TEX11: variants seen among roughly 807,000 people sequenced by gnomAD.
The protein encoded by TEX11 is testis-expressed protein 11.
In TEX11, 7 loss-of-function variants were observed where a neutral mutation model predicts 84.4. The ratio of observed to expected loss-of-function variants is 0.08; its 90% confidence interval spans 0.05 to 0.16. The LOEUF (loss-of-function observed/expected upper bound fraction) is 0.16. Among genes scored for constraint, TEX11 ranks in the 10% least tolerant of loss-of-function variants. TEX11 has a pLI of 1.00. For missense variants in TEX11, 551 were observed against 660.5 expected, an observed-to-expected ratio of 0.83 and a Z score of 1.82; for synonymous variants, 264 against 222.8, an observed-to-expected ratio of 1.18 and a Z score of -1.64.
At chrX:70,679,213 T>C (rs955203709) in intron 14 of TEX11, among the ~76,000 whole-genome samples, 3 of 112,525 alleles carry the variant, frequency 2.7e-5, no homozygotes, top group African/African-American at 6.5e-5. Flanking sequence ...GGTGCCGGGA[T>C]TGCAGACGGA....
At chrX:70,874,158 A>G (rs1208294677) in intron 3 of TEX11, among the ~76,000 whole-genome samples, 1 of 110,875 alleles carries the variant, frequency 9.0e-6, no homozygotes, top group African/African-American at 3.3e-5. Flanking sequence ...GGAAACTTCC[A>G]GAGGCCCTCA....
downstream of TEX11, among the ~76,000 whole-genome samples, chrX:70,528,369 G>A (rs1443165290): frequency 1.8e-5 from 2 of 111,502 alleles, no homozygotes; most frequent in Admixed American, 9.6e-5. Context: ...CTAGGCTGGC[G>A]TACAGTGGCT....
chrX:70,819,463 C>T (rs1036611404), intron 8 of TEX11, among the ~76,000 whole-genome samples: 4 of 111,071 alleles, frequency 3.6e-5, no homozygotes, highest in Non-Finnish European at 7.5e-5. Context: ...AAATGAAAAG[C>T]CCACAGCTAA....
chrX:70,902,007 C>T (rs2091806030), intron 2 of TEX11, among the ~76,000 whole-genome samples: 1 of 112,686 alleles, frequency 8.9e-6, no homozygotes, highest in South Asian at 3.7e-4. Context: ...CCTAGCACTT[C>T]GGGACACCGA....
chrX:70,747,768 AT>A (rs1245562782), intron 9 of TEX11, among the ~76,000 whole-genome samples: 4 of 111,166 alleles, frequency 3.6e-5, no homozygotes, highest in South Asian at 3.7e-4. Flanking sequence ...TTTTTTATAT[AT>A]TTTTTATTAT....
chrX:70,650,883 G>A (rs998098368), intron 17 of TEX11, among the ~76,000 whole-genome samples: 10 of 111,765 alleles, frequency 8.9e-5, no homozygotes, highest in Admixed American at 1.9e-4. Flanking sequence ...CAACATATAT[G>A]TGCCCATGCA....
rs186689663 is a variant in TEX11, at chrX:70,568,508, C to T, written c.2141-13708G>A. Among the ~76,000 whole-genome samples, 323 of 110,621 alleles carry T rather than the reference C, an allele frequency of 2.9e-3. 1 individual carries two copies. Among genetic ancestry groups the T allele is most frequent in the African/African-American group, 9.9e-3 (300 of 30,414 alleles). On this transcript the variant is annotated intron_variant, in intron 25 of 29. Transcript: ENST00000374333. ...GCAGTTTCTTCCTAGTCTCGATGGT[C>T]TTTACATTTTGGCATGATTTTGCCG... is the stretch of plus-strand genomic sequence containing the variant.
At chrX:70,723,467 T>C (rs1376435674) in intron 12 of TEX11, among the ~76,000 whole-genome samples, 1 of 111,814 alleles carries the variant, frequency 8.9e-6, no homozygotes, top group Non-Finnish European at 1.9e-5. Context: ...TTATGTACTA[T>C]ATAGTTACAA....
At chrX:70,783,352 C>G (rs779876922) in intron 9 of TEX11, among the ~76,000 whole-genome samples, 49 of 111,142 alleles carry the variant, frequency 4.4e-4, no homozygotes, top group Non-Finnish European at 8.5e-4. Context: ...GAAATTTATA[C>G]CACTAAACGC....
chrX:70,865,044 C>A (rs1291538091), intron 4 of TEX11, among the ~76,000 whole-genome samples: 1 of 111,147 alleles, frequency 9.0e-6, no homozygotes, highest in Admixed American at 9.7e-5. Context: ...TCACACATAA[C>A]AATATTAACC....
At chrX:70,624,471 A>G (rs995270156) in intron 19 of TEX11, among the ~76,000 whole-genome samples, 1 of 111,665 alleles carries the variant, frequency 9.0e-6, no homozygotes, top group African/African-American at 3.3e-5. Context: ...TAAAACCTAA[A>G]AAGCTTTAAA....
At chrX:70,705,010 A>G (rs759805417) in intron 13 of TEX11, among the ~76,000 whole-genome samples, 9 of 111,610 alleles carry the variant, frequency 8.1e-5, no homozygotes, top group African/African-American at 1.3e-4. Flanking sequence ...AGCTTTCTAC[A>G]TATGGCTAGC....
chrX:70,853,128 A>T lies in TEX11; in HGVS notation c.431T>A (p.Leu144Ter). ...VASLEQLYVKLIQRSSPEADL... is the reference protein window; with the variant it reads ...VASLEQLYVK ...AGCCTCAGGGGAGCTCCTTTGAATT[A>T]ATTTGACGTATAATTGCTCCAGACT... The change falls in exon 7 of 30, where the codon TTA becomes TAA. Residue 144 changes from leucine to a stop codon, truncating the protein, a stop_gained. Transcript: ENST00000374333. LOFTEE classifies it high-confidence loss of function. 1 of 1,210,236 alleles carries T rather than the reference A, an allele frequency of 8.3e-7. No homozygotes were observed. Among genetic ancestry groups the T allele is most frequent in the Non-Finnish European group, 1.1e-6 (1 of 894,749 alleles).
chrX:70,820,706 C>T (rs2091313985), intron 8 of TEX11, among the ~76,000 whole-genome samples: 2 of 110,902 alleles, frequency 1.8e-5, no homozygotes, highest in South Asian at 7.8e-4. Context: ...AACAAGATCT[C>T]GTGTGAACTC....
chrX:70,906,617 G>A (rs2091835476), intron 2 of TEX11, among the ~76,000 whole-genome samples: 2 of 110,242 alleles, frequency 1.8e-5, no homozygotes, highest in Admixed American at 2.0e-4. Context: ...GTGAAACCCT[G>A]TCTCTACTAA....
At chrX:70,762,712 C>CA (rs1275970325) in intron 9 of TEX11, among the ~76,000 whole-genome samples, 1 of 111,248 alleles carries the variant, frequency 9.0e-6, no homozygotes, top group Admixed American at 9.6e-5. Flanking sequence ...TCCCTGGTGC[C>CA]AAAAAGGTTG....
chrX:70,646,176 C>T (rs751368275), intron 17 of TEX11, among the ~76,000 whole-genome samples: 1 of 112,176 alleles, frequency 8.9e-6, no homozygotes, highest in East Asian at 2.8e-4. Context: ...GAGAAAAGGA[C>T]AGTTTCTTCA....
In TEX11 at chrX:70,788,202, C is replaced by T. The variant is rs187032553; in HGVS notation, c.692+18503G>A. Among the ~76,000 whole-genome samples, 334 of 111,758 alleles carry T rather than the reference C, an allele frequency of 3.0e-3. 1 individual carries two copies. The highest frequency in any genetic ancestry group is 9.9e-3 in the African/African-American group (306 of 30,822). ...TGGATCCACAAAAAACACCAATTAG[C>T]AAATGCTACAATGAGCAAAAAGAAT... On this transcript the variant is annotated intron_variant, in intron 9 of 29. Transcript: ENST00000374333.
intron 9 of TEX11, among the ~76,000 whole-genome samples, chrX:70,803,102 G>A (rs1433649562): frequency 9.0e-6 from 1 of 111,459 alleles, no homozygotes; most frequent in African/African-American, 3.3e-5. Context: ...CAAGACTTAC[G>A]AAAGAGGAGG....
Sources: gnomAD v4.1 joint callset for allele counts (sites outside exome capture counted in the v4.1 genomes callset) on GRCh38, gnomAD v4.1.1 for gene constraint, MANE v1.5 for transcripts, NCBI Gene and HGNC (gene_info 2026-07-23, HGNC 2026-07-21) for gene names.